The following ABCC2 variants were observed in gnomAD, a reference collection of about 807,000 sequenced individuals.
ABCC2 encodes ATP binding cassette subfamily C member 2.
A neutral mutation model predicts 173.4 loss-of-function variants in ABCC2; 157 were observed. The observed-to-expected ratio is 0.91, with a 90% confidence interval of 0.80 to 1.03. The LOEUF (loss-of-function observed/expected upper bound fraction) is 1.03, where lower values mean the gene tolerates loss of function less well. ABCC2 is among the 50% of genes least tolerant of loss of function. The probability of loss-of-function intolerance (pLI) is 0.00; values close to 1 mark genes in which losing one functional copy is unlikely to be tolerated. For missense variants in ABCC2, 1,822 were observed against 1,852.3 expected, an observed-to-expected ratio of 0.98 and a Z score of 0.30; for synonymous variants, 657 against 693.5, an observed-to-expected ratio of 0.95 and a Z score of 0.83.
chr10:99,794,107 A>C (rs1486666219), intron 5 of ABCC2, 108 bp downstream of exon 5: 2 of 1,073,026 alleles, frequency 1.9e-6, no homozygotes, highest in African/African-American at 3.2e-5. Context: ...AGCCCAGAAT[A>C]AGGTAGTACA....
chr10:99,826,084 G>A (rs1011097309), intron 19 of ABCC2, among the ~76,000 whole-genome samples: 22 of 152,100 alleles, frequency 1.4e-4, no homozygotes, highest in Non-Finnish European at 3.1e-4. Flanking sequence ...AAGTCAGGTG[G>A]CTCTCTACCT....
Position 99,797,091 on chromosome 10 carries a change from T to C in ABCC2, c.633-6T>C, listed in dbSNP as rs965397674. On this transcript the variant is annotated splice_region_variant and splice_polypyrimidine_tract_variant and intron_variant, in intron 6 of 31. Transcript: ENST00000647814. Reference sequence around the variant, plus strand: ...GGTCTCAGCCTGTGGTTCGCTCTTGTTCCAGCATCATTCTGAAAGGCTACA... The same window carrying C: ...GGTCTCAGCCTGTGGTTCGCTCTTGCTCCAGCATCATTCTGAAAGGCTACA... 1.2e-6 allele frequency: 2 copies of C among 1,613,720 alleles called. No individual in the cohort carries two copies. Among genetic ancestry groups the C allele is most frequent in the African/African-American group, 1.3e-5 (1 of 74,930 alleles).
rs150339941 is a variant in ABCC2 at position 99,815,851 on chromosome 10, G to C, written c.2095-1457G>C. Reference sequence around the variant, plus strand: ...AATTTAAAAAACATGCGCTATAGCAGAGCAGGCTACAGATTTAAGTCTGTC... The same window carrying C: ...AATTTAAAAAACATGCGCTATAGCACAGCAGGCTACAGATTTAAGTCTGTC... On this transcript the variant is annotated intron_variant, in intron 16 of 31. Coordinates refer to ENST00000647814, the MANE Select transcript of ABCC2 (RefSeq NM_000392.5). Among the ~76,000 whole-genome samples, 980 of 152,246 alleles carry C rather than the reference G, an allele frequency of 6.4e-3. 6 individuals carry two copies. Among genetic ancestry groups the C allele is most frequent in the African/African-American group, 0.022 (909 of 41,550 alleles).
chr10:99,793,853 C>T, intron 4 of ABCC2, 39 bp from the exon 5 acceptor site: 1 of 1,589,496 alleles, frequency 6.3e-7, no homozygotes. Flanking sequence ...TTCCTTTGGA[C>T]AAAAGGCTCA....
At chr10:99,843,584 C>T (rs1424207525) in intron 26 of ABCC2, among the ~76,000 whole-genome samples, 1 of 152,220 alleles carries the variant, frequency 6.6e-6, no homozygotes, top group Admixed American at 6.5e-5. Flanking sequence ...TTGCCCTTCG[C>T]GTGAGCACCT....
chr10:99,809,054 A>C (rs890642692), intron 13 of ABCC2, among the ~76,000 whole-genome samples: 3 of 152,152 alleles, frequency 2.0e-5, no homozygotes, highest in Non-Finnish European at 4.4e-5. Flanking sequence ...TCAGGATGAC[A>C]CTGAATCAAA....
chr10:99,827,550 T>A lies in ABCC2; in HGVS notation c.2621-2757T>A, dbSNP rs1419600607. ...TGTTTGAAATGGTTCTAAAGCTGCT[T>A]TAATAATGGCCCAATCATTCCATAC... On this transcript the variant is annotated intron_variant, in intron 19 of 31. Transcript: ENST00000647814. Among the ~76,000 whole-genome samples, 14 of 152,120 alleles carry A rather than the reference T, an allele frequency of 9.2e-5. No individual in the cohort carries two copies. The East Asian group carries it at 2.5e-3, about 27-fold the overall frequency.
chr10:99,812,204 C>A (rs1050574984), intron 15 of ABCC2, among the ~76,000 whole-genome samples: 3 of 152,186 alleles, frequency 2.0e-5, no homozygotes, highest in African/African-American at 7.2e-5. Context: ...GTTCCTACAG[C>A]CTTTAACATG....
chr10:99,811,521 G>A lies in ABCC2; in HGVS notation c.1901-15G>A, dbSNP rs769589784. 3 of 1,614,006 alleles carry A rather than the reference G, an allele frequency of 1.9e-6. No individual in the cohort carries two copies. In the Admixed American group the frequency reaches 5.0e-5, roughly 27 times the overall value. ...GGGACCTACATTGGACTAAAAGAGG[G>A]CTTTTTCTCAACAGACAAAGCCATG... is the stretch of plus-strand genomic sequence containing the variant. On this transcript the variant is annotated splice_polypyrimidine_tract_variant and intron_variant, in intron 14 of 31. Coordinates refer to ENST00000647814, the MANE Select transcript of ABCC2 (RefSeq NM_000392.5).
At chr10:99,804,324 C>A (rs768291450) in intron 10 of ABCC2, 51 bp downstream of exon 10, 2 of 1,610,068 alleles carry the variant, frequency 1.2e-6, no homozygotes, top group Non-Finnish European at 1.7e-6. Flanking sequence ...AAGTGTAAAC[C>A]CTTTTTCTTA....
At chr10:99,827,062 T>C (rs1265489573) in intron 19 of ABCC2, among the ~76,000 whole-genome samples, 1 of 151,154 alleles carries the variant, frequency 6.6e-6, no homozygotes, top group Non-Finnish European at 1.5e-5. Flanking sequence ...GCCGTAGGAT[T>C]AAGTCTCCTA....
At chr10:99,844,568 A>C in intron 28 of ABCC2, 103 bp downstream of exon 28, 1 of 1,488,532 alleles carries the variant, frequency 6.7e-7, no homozygotes. Context: ...ATTTGGATGG[A>C]GGGAAAGGGT....
intron 25 of ABCC2, among the ~76,000 whole-genome samples, chr10:99,837,476 T>TAGCGCCTGTTTTCAACAAAGGTGA: frequency 8.8e-5 from 1 of 11,418 alleles, no homozygotes; most frequent in East Asian, 1.2e-3. Context: ...TTTTTTTTTT[T>TAGCGCCTGTTTTCAACAAAGGTGA]TAAATTTATT....
chr10:99,810,167 T>C lies in ABCC2; in HGVS notation c.1849T>C (p.Leu617=). 1 of 1,613,668 alleles carries C rather than the reference T, an allele frequency of 6.2e-7. No individual in the cohort carries two copies. Among genetic ancestry groups the C allele is most frequent in the Admixed American group, 1.7e-5 (1 of 60,012 alleles). The change falls in exon 14 of 32, where the codon TTG becomes CTG. Residue 617 remains leucine, a synonymous_variant. Coordinates refer to ENST00000647814, the MANE Select transcript of ABCC2 (RefSeq NM_000392.5). The part of the protein sequence containing the change: ...SVSTERLEKY[L]GGDDLDTSAI... ...TTCCACAGAGCGGCTAGAGAAGTAC[T>C]TGGGAGGGGATGACTTGGACACATC...
intron 23 of ABCC2, 77 bp downstream of exon 23, chr10:99,832,208 C>T: frequency 1.9e-6 from 3 of 1,559,992 alleles, no homozygotes; most frequent in Non-Finnish European, 1.8e-6. Flanking sequence ...TATTATGTCC[C>T]CCTAGACAAC....
rs534226639 is a variant in ABCC2, at chr10:99,794,574, TG to T, written c.632+107del. On this transcript the variant is annotated intron_variant, in intron 6 of 31. Transcript: ENST00000647814. ...TTATTTTTTTTTTGAGATGGAGTTT[TG>T]CTCTTGTTGCCCAGGCTGGAGTGCA... 5.7e-4 allele frequency: 634 copies of T among 1,119,434 alleles called. 5 individuals are homozygous for T. The African/African-American group carries it at 8.7e-3, about 15-fold the overall frequency. The allele number at this position is 1,119,434 out of a possible 1,614,324, so 69.3% of individuals were successfully genotyped here. A position where few individuals can be genotyped will look rare whatever the true frequency, so the allele number is the denominator to read the frequency against.
chr10:99,838,382 G>A (rs1590187570), intron 25 of ABCC2, among the ~76,000 whole-genome samples: 3 of 104,784 alleles, frequency 2.9e-5, no homozygotes, highest in African/African-American at 3.4e-5. Context: ...GCGGGGGGCC[G>A]ACCCCCCCAC....
At chr10:99,793,055 A>T (rs1160953198) in intron 3 of ABCC2, among the ~76,000 whole-genome samples, 1 of 1,870 alleles carries the variant, frequency 5.3e-4, no homozygotes, top group Non-Finnish European at 0.013. Context: ...CTGTTTTAGG[A>T]GCACAGCTAG....
Position 99,806,530 on chromosome 10 carries a change from T to C in ABCC2, c.1531-854T>C, listed in dbSNP as rs529420926. Among the ~76,000 whole-genome samples, 8 of 152,324 alleles carry C rather than the reference T, an allele frequency of 5.3e-5. No homozygotes were observed. In the South Asian group the frequency reaches 1.7e-3, roughly 32 times the overall value. Reference sequence around the variant, plus strand: ...TATGCCACCAAGGTGAAAAACACTATTGTAAGAATTTTATGATCATTGCCT... The same window carrying C: ...TATGCCACCAAGGTGAAAAACACTACTGTAAGAATTTTATGATCATTGCCT... On this transcript the variant is annotated intron_variant, in intron 11 of 31. Coordinates refer to ENST00000647814, the MANE Select transcript of ABCC2 (RefSeq NM_000392.5).
Sources: allele counts gnomAD v4.1 joint callset (sites outside exome capture counted in the v4.1 genomes callset), GRCh38; gene constraint gnomAD v4.1.1; transcripts MANE v1.5; gene names NCBI Gene and HGNC (gene_info 2026-07-23, HGNC 2026-07-21).